Variants in CPNE8 observed in about 807,000 individuals in gnomAD.
The protein encoded by CPNE8 is copine 8.
CPNE8 carries 45 observed loss-of-function variants against 81.5 expected under a neutral mutation model. The observed-to-expected ratio is 0.55, with a 90% CI of 0.44 to 0.71. The LOEUF (loss-of-function observed/expected upper bound fraction) is 0.71. CPNE8 is among the 30% of genes least tolerant of loss of function. The pLI is 0.00. For synonymous variants in CPNE8, 252 were observed against 226.3 expected (o/e 1.11, Z -1.02); for missense variants, 594 against 672.1 (o/e 0.88, Z 1.28).
At chr12:38,906,248 T>A, upstream of CPNE8, 1 of 985,246 alleles carries the variant, frequency 1.0e-6, no homozygotes, top group Middle Eastern at 5.2e-4. Flanking sequence ...CACTTGAGAG[T>A]TGGGGACGGT....
At chr12:38,723,027 T>A (rs1188561843) in intron 13 of CPNE8, among the ~76,000 whole-genome samples, 2 of 152,174 alleles carry the variant, frequency 1.3e-5, no homozygotes, top group Admixed American at 6.6e-5. Context: ...ATAAGTCTCC[T>A]AAGGCCTCCC....
intron 6 of CPNE8, among the ~76,000 whole-genome samples, chr12:38,788,286 T>C (rs186043158): frequency 2.0e-5 from 3 of 151,972 alleles, no homozygotes; most frequent in African/African-American, 7.2e-5. Context: ...GATTTATCCT[T>C]GGAATGCAAG....
intron 10 of CPNE8, among the ~76,000 whole-genome samples, chr12:38,736,020 T>G (rs998230783): frequency 1.3e-5 from 2 of 151,862 alleles, no homozygotes; most frequent in Non-Finnish European, 2.9e-5. Flanking sequence ...ACAATAGTAC[T>G]CTGGGCCTCC....
chr12:38,884,289 T>A (rs1460838236), intron 1 of CPNE8, among the ~76,000 whole-genome samples: 5 of 152,212 alleles, frequency 3.3e-5, no homozygotes, highest in Non-Finnish European at 7.3e-5. Context: ...ATCATGATCA[T>A]ATACAATATG....
intron 18 of CPNE8, among the ~76,000 whole-genome samples, chr12:38,673,705 A>G (rs1939229302): frequency 6.6e-6 from 1 of 152,078 alleles, no homozygotes; most frequent in South Asian, 2.1e-4. Context: ...TTTCACTCTA[A>G]CTTCTGGGAA....
In CPNE8 at chr12:38,661,145, A is replaced by C. The variant is rs556468516; in HGVS notation, c.1507-7075T>G. Among the ~76,000 whole-genome samples the C allele has an allele frequency of 7.9e-5, 12 of 152,362 alleles. No individual in the cohort carries two copies. In the East Asian group the frequency reaches 1.7e-3, roughly 22 times the overall value. ...AGGATTATAAATCATGCTACTATAA[A>C]GACACATGCACATGTATGTTTATTG... On this transcript the variant is annotated intron_variant, in intron 19 of 19. Transcript: ENST00000331366.
At chr12:38,719,931 G>T (rs1395332806) in intron 13 of CPNE8, among the ~76,000 whole-genome samples, 1 of 152,124 alleles carries the variant, frequency 6.6e-6, no homozygotes. Context: ...GGTCTAGTTA[G>T]ATTAATTATG....
rs191636013 is a variant in CPNE8, at chr12:38,785,717, C to T, written c.408-9416G>A. ...GTCTTTATTAGCACCATGAGACATA[C>T]AAGAAGACATATATAGACACAACAA... On this transcript the variant is annotated intron_variant, in intron 6 of 19. Coordinates refer to ENST00000331366, the MANE Select transcript of CPNE8 (RefSeq NM_153634.3). Among the ~76,000 whole-genome samples the T allele has an allele frequency of 1.4e-4, 21 of 152,072 alleles. No homozygotes were observed. In the East Asian group the frequency reaches 3.7e-3, roughly 27 times the overall value.
intron 10 of CPNE8, among the ~76,000 whole-genome samples, chr12:38,745,139 T>C (rs1310369470): frequency 6.6e-6 from 1 of 152,236 alleles, no homozygotes; most frequent in African/African-American, 2.4e-5. Context: ...TACCTTTCTA[T>C]GTCTGCATTT....
At chr12:38,705,310 T>G (rs1399285847) in intron 13 of CPNE8, among the ~76,000 whole-genome samples, 1 of 152,138 alleles carries the variant, frequency 6.6e-6, no homozygotes, top group Non-Finnish European at 1.5e-5. Context: ...TAGTAAAAAC[T>G]ATTGTGACAT....
At chr12:38,699,532 C>T (rs545776723) in intron 14 of CPNE8, among the ~76,000 whole-genome samples, 3 of 152,196 alleles carry the variant, frequency 2.0e-5, no homozygotes, top group Non-Finnish European at 4.4e-5. Context: ...GAATGGTCCA[C>T]TTTCCTTTCT....
At chr12:38,830,117 C>T (rs959935280) in intron 5 of CPNE8, among the ~76,000 whole-genome samples, 1 of 152,130 alleles carries the variant, frequency 6.6e-6, no homozygotes, top group Non-Finnish European at 1.5e-5. Context: ...CATTAACATA[C>T]AACCGTATGA....
intron 6 of CPNE8, among the ~76,000 whole-genome samples, chr12:38,806,631 C>A (rs1440608953): frequency 1.4e-5 from 2 of 146,086 alleles, no homozygotes; most frequent in African/African-American, 4.9e-5. Flanking sequence ...CTATGACAAA[C>A]CCACAGCCAA....
At chr12:38,799,799 C>T (rs1277774815) in intron 6 of CPNE8, among the ~76,000 whole-genome samples, 22 of 141,684 alleles carry the variant, frequency 1.6e-4, no homozygotes, top group South Asian at 9.4e-4. Context: ...AGTGTGTGCG[C>T]GCACCGTGCG....
chr12:38,723,644 G>T, intron 13 of CPNE8, 128 bp downstream of exon 13: 1 of 694,462 alleles, frequency 1.4e-6, no homozygotes. Context: ...TGAAACAGAA[G>T]TCTAATAGGC....
intron 15 of CPNE8, among the ~76,000 whole-genome samples, chr12:38,687,990 T>C (rs1467207801): frequency 6.6e-6 from 1 of 152,204 alleles, no homozygotes; most frequent in Non-Finnish European, 1.5e-5. Context: ...AACATTCCTT[T>C]AAGGTTTTAT....
chr12:38,725,444 A>T (rs1940672578), intron 11 of CPNE8, among the ~76,000 whole-genome samples: 1 of 152,184 alleles, frequency 6.6e-6, no homozygotes, highest in East Asian at 1.9e-4. Flanking sequence ...TAAGTAAATA[A>T]GATTGCACCT....
chr12:38,687,370 C>CTTTTTTTTTTTTTTTTTTTTTTTTTTTTT (rs35643732), intron 15 of CPNE8, among the ~76,000 whole-genome samples: 3 of 95,494 alleles, frequency 3.1e-5, no homozygotes, highest in South Asian at 4.2e-4. Context: ...AATGCCAAGA[C>CTTTTTTTTTTTTTTTTTTTTTTTTTTTTT]TTTCTTTTTT....
chr12:38,789,885 C>T (rs1373761483), intron 6 of CPNE8, among the ~76,000 whole-genome samples: 1 of 151,780 alleles, frequency 6.6e-6, no homozygotes, highest in African/African-American at 2.4e-5. Flanking sequence ...CAAGTCAAAA[C>T]TGCAATGAGA....
Sources: gnomAD v4.1 joint callset for allele counts (sites outside exome capture counted in the v4.1 genomes callset) on GRCh38, gnomAD v4.1.1 for gene constraint, MANE v1.5 for transcripts, NCBI Gene and HGNC (gene_info 2026-07-23, HGNC 2026-07-21) for gene names.